Variants in PFKFB1 observed in about 807,000 individuals in gnomAD.
PFKFB1 encodes 6-phosphofructo-2-kinase/fructose-2,6-biphosphatase 1, also known as 6-phosphofructo-2-kinase/fructose-2,6-bisphosphatase 1.
PFKFB1 carries 34 observed loss-of-function variants against 46.4 expected under a neutral mutation model. That is an observed-to-expected ratio of 0.73 (90% CI 0.56 to 0.98). The LOEUF (loss-of-function observed/expected upper bound fraction) is 0.98, where lower values mean the gene tolerates loss of function less well. Among genes scored for constraint, PFKFB1 ranks in the 50% least tolerant of loss-of-function variants. The pLI is 0.00. For synonymous variants in PFKFB1, 119 were observed against 133.8 expected (o/e 0.89, Z 0.76); for missense variants, 393 against 376.3 (o/e 1.04, Z -0.37).
intron 3 of PFKFB1, 25 bp from the exon 4 acceptor site, chrX:54,959,918 G>T: frequency 9.2e-7 from 1 of 1,087,559 alleles, no homozygotes. Flanking sequence ...GAAAGAAAAA[G>T]AGGCAACCCT....
intron 8 of PFKFB1, among the ~76,000 whole-genome samples, chrX:54,951,188 A>G (rs778250584): frequency 1.4e-3 from 159 of 112,880 alleles, no homozygotes; most frequent in African/African-American, 4.6e-3. Context: ...TGCTGTGGAA[A>G]TGGATCCCTG....
In PFKFB1 at chrX:54,935,138, C is replaced by T. The variant is rs1933343756; in HGVS notation, c.1229-129G>A. ...GCCGTGGTGGGGCCTCACCAGGGGCCCACTCCCCACACCCTGCAGGGGCAG... is the reference window on the plus strand; with the variant it reads ...GCCGTGGTGGGGCCTCACCAGGGGCTCACTCCCCACACCCTGCAGGGGCAG... On this transcript the variant is annotated intron_variant, in intron 11 of 13. Transcript: ENST00000375006. 1.4e-5 allele frequency: 7 copies of T among 518,266 alleles called. No homozygotes were observed. In the South Asian group the frequency reaches 1.4e-4, roughly 10 times the overall value. 42.7% of individuals were successfully genotyped at this position (518,266 alleles called of 1,213,427 possible).
At position 54,958,859 on chromosome X, in the gene PFKFB1, C is replaced by T; in HGVS notation, c.451G>A (p.Gly151Ser). 1 of 1,176,813 alleles carries T rather than the reference C, an allele frequency of 8.5e-7. No individual in the cohort carries two copies. The highest frequency in any genetic ancestry group is 1.2e-6 in the Non-Finnish European group (1 of 864,652). ...SLILQFAKEH[G>S]YKVFFIESIC... ...TTGGAGTGTTACCATACCTTGTAAC[C>T]ATGTTCTTTTGCAAACTGCAGGATC... The change falls in exon 5 of 14, where the codon GGT becomes AGT. Residue 151 changes from glycine (G) to serine (S), a missense_variant. Coordinates refer to ENST00000375006, the MANE Select transcript of PFKFB1 (RefSeq NM_002625.4).
intron 10 of PFKFB1, 113 bp from the exon 11 acceptor site, chrX:54,937,837 G>C (rs41300642): frequency 1.4e-3 from 900 of 661,480 alleles, no homozygotes; most frequent in Non-Finnish European, 1.9e-3. Flanking sequence ...CAGTTCAATT[G>C]TTGACCCACC....
intron 7 of PFKFB1, among the ~76,000 whole-genome samples, chrX:54,952,581 G>A (rs1466146646): frequency 9.6e-6 from 1 of 103,975 alleles, no homozygotes; most frequent in Non-Finnish European, 1.9e-5. Context: ...GCTACATATT[G>A]TCTTTTATAC....
At chrX:54,937,817 G>T in intron 10 of PFKFB1, 93 bp from the exon 11 acceptor site, 1 of 830,100 alleles carries the variant, frequency 1.2e-6, no homozygotes, top group Non-Finnish European at 1.7e-6. Context: ...AGAACATTTG[G>T]TTCCAGTGCC....
chrX:54,980,756 C>T (rs1339070642), intron 1 of PFKFB1, among the ~76,000 whole-genome samples: 3 of 98,239 alleles, frequency 3.1e-5, no homozygotes, highest in African/African-American at 7.6e-5. Flanking sequence ...CACACACACA[C>T]GAAAAACCTG....
chrX:54,951,764 G>A, intron 8 of PFKFB1, 141 bp downstream of exon 8: 2 of 506,862 alleles, frequency 3.9e-6, no homozygotes, highest in South Asian at 5.9e-5. Context: ...CTGATGGGTG[G>A]AAGAGCAGGA....
At chrX:54,956,114 G>T in intron 7 of PFKFB1, 39 bp downstream of exon 7, 1 of 993,583 alleles carries the variant, frequency 1.0e-6, no homozygotes, top group Non-Finnish European at 1.4e-6. Context: ...AAAACTGGGT[G>T]AAAGATCTAG....
intron 11 of PFKFB1, 34 bp from the exon 12 acceptor site, chrX:54,935,043 G>C (rs1933340278): frequency 1.8e-6 from 2 of 1,104,691 alleles, no homozygotes; most frequent in Non-Finnish European, 2.5e-6. Context: ...CTCAGAGGCA[G>C]GGTGCTGGCC....
At chrX:54,976,528 C>T (rs997426027) in intron 1 of PFKFB1, among the ~76,000 whole-genome samples, 4 of 111,811 alleles carry the variant, frequency 3.6e-5, no homozygotes, top group African/African-American at 1.3e-4. Context: ...GGAACTCTCA[C>T]TCATTGCTAG....
chrX:54,958,610 C>T (rs1255960070), intron 5 of PFKFB1, among the ~76,000 whole-genome samples: 3 of 110,784 alleles, frequency 2.7e-5, no homozygotes, highest in South Asian at 3.9e-4. Context: ...TTTGTAGTGA[C>T]TCTCTCCACT....
intron 10 of PFKFB1, among the ~76,000 whole-genome samples, chrX:54,941,546 GA>G (rs1447302371): frequency 7.2e-5 from 8 of 111,520 alleles, no homozygotes; most frequent in African/African-American, 2.6e-4. Context: ...AAATTTACAA[GA>G]AAAAAACAAA....
At chrX:54,997,336 A>G (rs768358749), upstream of PFKFB1, among the ~76,000 whole-genome samples, 1 of 111,610 alleles carries the variant, frequency 9.0e-6, no homozygotes, top group Non-Finnish European at 1.9e-5. Context: ...CGTGGCAGAG[A>G]AAGGGTTCAG....
At chrX:54,944,121 T>C (rs1933735122) in intron 10 of PFKFB1, among the ~76,000 whole-genome samples, 1 of 111,753 alleles carries the variant, frequency 8.9e-6, no homozygotes, top group Non-Finnish European at 1.9e-5. Context: ...GGTTGCATAA[T>C]AGCACTCAGC....
intron 1 of PFKFB1, among the ~76,000 whole-genome samples, chrX:54,988,307 C>T (rs1935155801): frequency 1.8e-5 from 2 of 111,313 alleles, no homozygotes; most frequent in African/African-American, 6.5e-5. Flanking sequence ...CTGAAAACTG[C>T]AAAACATTGG....
chrX:54,935,356 C>A (rs942412149), intron 11 of PFKFB1, among the ~76,000 whole-genome samples: 1 of 111,608 alleles, frequency 9.0e-6, no homozygotes, highest in Non-Finnish European at 1.9e-5. Flanking sequence ...CTTCAGCAGA[C>A]CCCACACCAC....
At chrX:54,955,291 G>C (rs758587661) in intron 7 of PFKFB1, among the ~76,000 whole-genome samples, 13 of 111,449 alleles carry the variant, frequency 1.2e-4, no homozygotes, top group Non-Finnish European at 1.9e-4. Flanking sequence ...TGGTACTTCA[G>C]TTGGGTAAGG....
At chrX:54,996,024 T>A (rs2146700194), upstream of PFKFB1, among the ~76,000 whole-genome samples, 1 of 112,126 alleles carries the variant, frequency 8.9e-6, no homozygotes, top group East Asian at 2.8e-4. Flanking sequence ...TTTCCTAAGG[T>A]CATGTAGTAA....
Sources: gnomAD v4.1 joint callset for allele counts (sites outside exome capture counted in the v4.1 genomes callset) on GRCh38, gnomAD v4.1.1 for gene constraint, MANE v1.5 for transcripts, NCBI Gene and HGNC (gene_info 2026-07-23, HGNC 2026-07-21) for gene names.